KIAA2012: variants seen among roughly 807,000 people sequenced by gnomAD.
KIAA2012 encodes the protein uncharacterized protein KIAA2012.
A neutral mutation model predicts 150.6 loss-of-function variants in KIAA2012; 125 were observed. That is an observed-to-expected ratio of 0.83 (90% confidence interval 0.72 to 0.96). KIAA2012 has a LOEUF of 0.96. Ranked by LOEUF, KIAA2012 falls within the 40% of genes least tolerant of loss-of-function variation. KIAA2012 has a pLI of 0.00. For missense variants in KIAA2012, 1,219 were observed against 1,354.9 expected, an observed-to-expected ratio of 0.90 and a Z score of 1.57; for synonymous variants, 462 against 504.7, an observed-to-expected ratio of 0.92 and a Z score of 1.13.
chr2:202,180,451 G>A lies in KIAA2012; in HGVS notation c.2120-4302G>A, dbSNP rs371956360. Among the ~76,000 whole-genome samples, 9 of 152,164 alleles carry A rather than the reference G, an allele frequency of 5.9e-5. No individual in the cohort carries two copies. In the East Asian group the frequency reaches 1.2e-3, roughly 20 times the overall value. ...TTTTAAAATGACACTTATAAATCCT[G>A]ATAAACTGCTAAACCCACAAAAAAT... On this transcript the variant is annotated intron_variant, in intron 15 of 23. Coordinates refer to ENST00000498697, the MANE Select transcript of KIAA2012 (RefSeq NM_001277372.4).
chr2:202,100,320 C>A lies in KIAA2012; in HGVS notation c.1026C>A (p.Asn342Lys), dbSNP rs1431220597. The A allele has an allele frequency of 6.5e-7, 1 of 1,550,072 alleles. No homozygotes were observed. The highest frequency in any genetic ancestry group is 8.7e-7 in the Non-Finnish European group (1 of 1,146,742). Reference protein sequence around the residue: ...RKADLSDKQRNVKLHKARSSH... With the variant: ...RKADLSDKQRKVKLHKARSSH... ...CTGTTTTTAAAGATAAACAAAGGAACGTGAAACTCCACAAGGCCAGAAGCA... is the reference window on the plus strand; with the variant it reads ...CTGTTTTTAAAGATAAACAAAGGAAAGTGAAACTCCACAAGGCCAGAAGCA... The change falls in exon 7 of 24, where the codon AAC becomes AAA. Residue 342 changes from asparagine to lysine, a missense_variant. Transcript: ENST00000498697.
At chr2:202,076,776 C>T (rs960580617) in intron 2 of KIAA2012, among the ~76,000 whole-genome samples, 3 of 152,078 alleles carry the variant, frequency 2.0e-5, no homozygotes, top group African/African-American at 4.8e-5. Context: ...TTTGTGGACT[C>T]GAAGGGACTC....
At chr2:202,133,130 A>ATATATTTTTTTTTTTTTTTTT (rs1279080237) in intron 12 of KIAA2012, among the ~76,000 whole-genome samples, 5 of 67,768 alleles carry the variant, frequency 7.4e-5, no homozygotes, top group Admixed American at 1.8e-4. Flanking sequence ...ATATATATAT[A>ATATATTTTTTTTTTTTTTTTT]TTTTTTTTTT....
At chr2:202,192,692 G>A (rs187641714) in intron 19 of KIAA2012, among the ~76,000 whole-genome samples, 1 of 152,166 alleles carries the variant, frequency 6.6e-6, no homozygotes, top group Admixed American at 6.5e-5. Context: ...CCTGACCTCA[G>A]GTGATCTACC....
intron 11 of KIAA2012, 162 bp downstream of exon 11, chr2:202,113,608 A>G (rs756467960): frequency 1.2e-4 from 74 of 594,728 alleles, no homozygotes; most frequent in Non-Finnish European, 2.1e-4. Flanking sequence ...TCTGTAGCTC[A>G]GAGACAATGA....
chr2:202,183,237 T>C (rs1692156371), intron 15 of KIAA2012, among the ~76,000 whole-genome samples: 1 of 151,960 alleles, frequency 6.6e-6, no homozygotes, highest in African/African-American at 2.4e-5. Flanking sequence ...CTAGGCAACA[T>C]AGTGAGACTC....
rs192208636 is a variant in KIAA2012 at position 202,108,576 on chromosome 2, T to C, written c.1475-1037T>C. Among the ~76,000 whole-genome samples, 71 of 152,350 alleles carry C rather than the reference T, an allele frequency of 4.7e-4. 1 individual carries two copies. Among genetic ancestry groups the C allele is most frequent in the African/African-American group, 1.5e-3 (64 of 41,584 alleles). ...TTTTTGAAGAAGATGGGCCAGTTGC[T>C]TTGCAGAATTACCTTCGATTTGGAT... On this transcript the variant is annotated intron_variant, in intron 9 of 23. Transcript: ENST00000498697.
chr2:202,189,964 C>T (rs1349406873), intron 18 of KIAA2012, among the ~76,000 whole-genome samples: 2 of 151,924 alleles, frequency 1.3e-5, no homozygotes, highest in Non-Finnish European at 2.9e-5. Flanking sequence ...TGGTGGTGTG[C>T]CTGCAGTCCC....
chr2:202,113,256 AG>A, intron 10 of KIAA2012, 79 bp from the exon 11 acceptor site: 1 of 1,071,846 alleles, frequency 9.3e-7, no homozygotes, highest in Non-Finnish European at 1.4e-6. Context: ...GCGGGGGACC[AG>A]GGGAACATGG....
intron 13 of KIAA2012, among the ~76,000 whole-genome samples, chr2:202,147,067 T>C (rs1691316999): frequency 6.6e-6 from 1 of 152,154 alleles, no homozygotes; most frequent in Non-Finnish European, 1.5e-5. Flanking sequence ...GGAGCTTGTA[T>C]ACAATCTAAA....
chr2:202,153,122 C>T (rs1421451371), intron 13 of KIAA2012, among the ~76,000 whole-genome samples: 3 of 152,182 alleles, frequency 2.0e-5, no homozygotes, highest in African/African-American at 7.2e-5. Context: ...TTGAGGTGGG[C>T]CATAACCTGT....
intron 15 of KIAA2012, among the ~76,000 whole-genome samples, chr2:202,171,847 CTT>C (rs60916677): frequency 4.3e-5 from 5 of 116,722 alleles, no homozygotes; most frequent in African/African-American, 6.8e-5. Flanking sequence ...TTGGCATTTA[CTT>C]TTTTTTTTTT....
chr2:202,077,398 A>G (rs1050125999), intron 2 of KIAA2012, among the ~76,000 whole-genome samples: 1 of 152,166 alleles, frequency 6.6e-6, no homozygotes, highest in East Asian at 1.9e-4. Context: ...TAGTTTATAA[A>G]GTAGATAAGT....
At chr2:202,204,076 GTTT>G (rs143485165) in intron 23 of KIAA2012, among the ~76,000 whole-genome samples, 367 of 139,404 alleles carry the variant, frequency 2.6e-3, no homozygotes, top group Middle Eastern at 3.7e-3. Flanking sequence ...GCGGTTTTTT[GTTT>G]TTTTTTTTTT....
chr2:202,199,836 A>AT (rs1368568672), intron 22 of KIAA2012, among the ~76,000 whole-genome samples: 1 of 151,454 alleles, frequency 6.6e-6, no homozygotes, highest in African/African-American at 2.4e-5. Context: ...ATGGTAACCA[A>AT]TTTTTGATCT....
At chr2:202,200,245 AAACT>A (rs1408443682) in intron 22 of KIAA2012, among the ~76,000 whole-genome samples, 2 of 151,912 alleles carry the variant, frequency 1.3e-5, no homozygotes, top group African/African-American at 2.4e-5. Context: ...CTCATATTTT[AAACT>A]AACTGTTGTT....
At position 202,103,074 on chromosome 2, in the gene KIAA2012, C is replaced by T; in HGVS notation, c.1284C>T (p.Tyr428=). 1 of 1,550,556 alleles carries T rather than the reference C, an allele frequency of 6.4e-7. No homozygotes were observed. Among genetic ancestry groups the T allele is most frequent in the Non-Finnish European group, 8.7e-7 (1 of 1,146,990 alleles). Residue 428 remains tyrosine (Y), a synonymous_variant, in exon 8 of 24, where the codon TAC becomes TAT. Transcript: ENST00000498697. ...TCATCTTACCGGTGGAGATTCATTA[C>T]CACACCAAACAACCCCCAAAAGAGA... ...ELFILPVEIH[Y]HTKQPPKEKA... is the part of the protein sequence containing the mutation.
chr2:202,154,623 C>T (rs747409436), intron 13 of KIAA2012, 50 bp from the exon 14 acceptor site: 2 of 1,472,660 alleles, frequency 1.4e-6, no homozygotes, highest in South Asian at 1.4e-5. Flanking sequence ...GCTCTTGTTG[C>T]ACTGTATATC....
intron 13 of KIAA2012, among the ~76,000 whole-genome samples, chr2:202,139,672 C>T (rs967488511): frequency 1.2e-4 from 18 of 152,330 alleles, no homozygotes; most frequent in Admixed American, 1.0e-3. Flanking sequence ...TGAGGTGAAA[C>T]GCAGCTGAGC....
Sources: gnomAD v4.1 joint callset for allele counts (sites outside exome capture counted in the v4.1 genomes callset) on GRCh38, gnomAD v4.1.1 for gene constraint, MANE v1.5 for transcripts, NCBI Gene and HGNC (gene_info 2026-07-23, HGNC 2026-07-21) for gene names.